The following RGS7 variants were observed in gnomAD, a reference collection of about 807,000 sequenced individuals.
RGS7 encodes regulator of G protein signaling 7.
RGS7 carries 27 observed loss-of-function variants against 81.1 expected under a neutral mutation model. The ratio of observed to expected loss-of-function variants is 0.33; its 90% CI spans 0.25 to 0.46. The LOEUF (loss-of-function observed/expected upper bound fraction) is 0.46, where lower values mean the gene tolerates loss of function less well. RGS7 is among the 20% of genes least tolerant of loss of function. The pLI, the probability that RGS7 is intolerant of heterozygous loss-of-function variation, is 1.00. For synonymous variants in RGS7, 208 were observed against 207.7 expected, an observed-to-expected ratio of 1.00 and a Z score of -0.01; for missense variants, 396 against 607.4, an observed-to-expected ratio of 0.65 and a Z score of 3.66.
At chr1:241,286,218 G>A (rs962787904) in intron 2 of RGS7, among the ~76,000 whole-genome samples, 24 of 152,100 alleles carry the variant, frequency 1.6e-4, no homozygotes, top group African/African-American at 5.3e-4. Flanking sequence ...AGCCACAGAA[G>A]CATTGAGATG....
chr1:240,903,869 C>T (rs1215031056), intron 6 of RGS7, among the ~76,000 whole-genome samples: 2 of 152,198 alleles, frequency 1.3e-5, no homozygotes, highest in South Asian at 2.1e-4. Context: ...GATCTCTGCA[C>T]GTCAGCTCTC....
intron 6 of RGS7, among the ~76,000 whole-genome samples, chr1:240,894,722 A>G (rs1303132238): frequency 6.6e-6 from 1 of 151,908 alleles, no homozygotes; most frequent in African/African-American, 2.4e-5. Flanking sequence ...AATATTATTT[A>G]GATTATTCTA....
At chr1:240,806,958 A>G (rs1688961283) in intron 14 of RGS7, among the ~76,000 whole-genome samples, 1 of 152,244 alleles carries the variant, frequency 6.6e-6, no homozygotes, top group Non-Finnish European at 1.5e-5. Context: ...ATGTTAAGGT[A>G]ATTTAATTGA....
At chr1:240,797,528 T>G (rs2103036247) in intron 18 of RGS7, among the ~76,000 whole-genome samples, 1 of 152,248 alleles carries the variant, frequency 6.6e-6, no homozygotes, top group Middle Eastern at 3.4e-3. Context: ...ATTTTTGTAT[T>G]TTTAGTAGAG....
intron 2 of RGS7, among the ~76,000 whole-genome samples, chr1:241,233,587 G>A (rs546908144): frequency 3.9e-5 from 6 of 152,040 alleles, no homozygotes; most frequent in South Asian, 2.1e-4. Flanking sequence ...TTTATGGTTG[G>A]GTAATATTCC....
intron 2 of RGS7, among the ~76,000 whole-genome samples, chr1:241,258,737 C>G (rs1034283544): frequency 6.6e-6 from 1 of 152,074 alleles, no homozygotes; most frequent in Admixed American, 6.6e-5. Flanking sequence ...ATCACTGAAG[C>G]CTGAATTTTA....
intron 6 of RGS7, among the ~76,000 whole-genome samples, chr1:240,886,735 G>A (rs914367055): frequency 2.6e-5 from 4 of 152,184 alleles, no homozygotes; most frequent in African/African-American, 9.7e-5. Flanking sequence ...GTCAGACTAT[G>A]CCTAGAATAG....
At chr1:241,319,108 C>T (rs1253943415) in intron 2 of RGS7, among the ~76,000 whole-genome samples, 2 of 152,150 alleles carry the variant, frequency 1.3e-5, no homozygotes, top group Non-Finnish European at 2.9e-5. Flanking sequence ...AGCACCATAA[C>T]CATTTCTTAC....
intron 2 of RGS7, among the ~76,000 whole-genome samples, chr1:241,270,007 G>T (rs2077788729): frequency 6.6e-6 from 1 of 152,190 alleles, no homozygotes; most frequent in Non-Finnish European, 1.5e-5. Flanking sequence ...GAGTTGGATA[G>T]CACAGGAGCA....
intron 2 of RGS7, among the ~76,000 whole-genome samples, chr1:241,229,060 TA>T (rs34579729): frequency 0.51 from 73,574 of 143,198 alleles, 19,105 homozygotes; most frequent in African/African-American, 0.64. Flanking sequence ...AATAAAAAAT[TA>T]AAAAAAAAAA....
chr1:241,096,875 G>A (rs886401754), intron 3 of RGS7, among the ~76,000 whole-genome samples: 1 of 152,082 alleles, frequency 6.6e-6, no homozygotes, highest in Admixed American at 6.6e-5. Context: ...ATACACAGTG[G>A]AACTGACCAG....
At chr1:240,904,400 A>C (rs570596394) in intron 6 of RGS7, among the ~76,000 whole-genome samples, 1 of 152,332 alleles carries the variant, frequency 6.6e-6, no homozygotes, top group South Asian at 2.1e-4. Context: ...CACACACTCA[A>C]GTGTGAGAAT....
chr1:240,827,875 A>C (rs1027826533), intron 9 of RGS7, among the ~76,000 whole-genome samples: 12 of 148,880 alleles, frequency 8.1e-5, no homozygotes, highest in African/African-American at 2.3e-4. Flanking sequence ...AAAAAAAAAA[A>C]AAAAAAAAAA....
chr1:241,039,543 C>T (rs894051339), intron 3 of RGS7, among the ~76,000 whole-genome samples: 6 of 150,638 alleles, frequency 4.0e-5, no homozygotes, highest in Non-Finnish European at 8.9e-5. Flanking sequence ...AGAGATTGGT[C>T]AGTTGATCAC....
intron 9 of RGS7, among the ~76,000 whole-genome samples, chr1:240,839,636 G>A (rs914299821): frequency 3.9e-5 from 6 of 152,130 alleles, no homozygotes; most frequent in African/African-American, 1.4e-4. Flanking sequence ...TCCGAGGGGT[G>A]GGGAGAAAAG....
chr1:240,996,612 C>G (rs1687326330), intron 3 of RGS7, among the ~76,000 whole-genome samples: 1 of 152,094 alleles, frequency 6.6e-6, no homozygotes, highest in Non-Finnish European at 1.5e-5. Flanking sequence ...AATTAATATA[C>G]CTATTCCAGG....
intron 3 of RGS7, among the ~76,000 whole-genome samples, chr1:241,089,063 C>CTATATATATATA (rs1161090389): frequency 8.9e-4 from 21 of 23,678 alleles, no homozygotes; most frequent in Middle Eastern, 0.042. Context: ...CTCTCTCTCT[C>CTATATATATATA]TATATATATA....
At chr1:240,909,150 A>G (rs935065075) in intron 6 of RGS7, among the ~76,000 whole-genome samples, 4 of 152,148 alleles carry the variant, frequency 2.6e-5, no homozygotes, top group African/African-American at 9.7e-5. Context: ...TGAGTTGGTC[A>G]TGATTTTCAG....
At chr1:241,206,634 T>C (rs1451621460) in intron 2 of RGS7, among the ~76,000 whole-genome samples, 3 of 152,160 alleles carry the variant, frequency 2.0e-5, no homozygotes, top group South Asian at 2.1e-4. Flanking sequence ...CCCAATCTTA[T>C]TCTTTGTCAC....
Sources: allele counts gnomAD v4.1 joint callset (sites outside exome capture counted in the v4.1 genomes callset), GRCh38; gene constraint gnomAD v4.1.1; transcripts MANE v1.5; gene names NCBI Gene and HGNC (gene_info 2026-07-23, HGNC 2026-07-21).